ARHGAP26: variants seen among roughly 807,000 people sequenced by gnomAD.
ARHGAP26 encodes the protein Rho GTPase activating protein 26, also known as rho GTPase-activating protein 26.
Under a neutral mutation model 104.8 loss-of-function variants are expected in ARHGAP26, and 38 were observed. The ratio of observed to expected loss-of-function variants is 0.36; its 90% confidence interval spans 0.28 to 0.48. ARHGAP26 has a LOEUF of 0.48. Ranked by LOEUF, ARHGAP26 falls within the 20% of genes least tolerant of loss-of-function variation. The pLI is 0.99. For synonymous variants in ARHGAP26, 341 were observed against 340.0 expected (o/e 1.00, Z -0.03); for missense variants, 704 against 947.9 (o/e 0.74, Z 3.38).
Position 143,228,294 on chromosome 5 carries a change from A to G in ARHGAP26, c.*5848A>G. On this transcript the variant is annotated 3_prime_UTR_variant, in exon 23 of 23. Transcript: ENST00000645722. ...TATTTACATCTATGAAGACATAGAC[A>G]CTTACAGAGACCCACATGAGCTGGC... is the stretch of plus-strand genomic sequence containing the variant. The G allele has an allele frequency of 8.9e-6, 2 of 224,620 alleles. No individual in the cohort carries two copies. Among genetic ancestry groups the G allele is most frequent in the Non-Finnish European group, 1.8e-5 (2 of 112,690 alleles). The allele number at this position is 224,620 out of a possible 1,614,324, so 13.9% of individuals were successfully genotyped here.
chr5:142,947,379 CTCT>C (rs1767311362), intron 11 of ARHGAP26, among the ~76,000 whole-genome samples: 1 of 152,102 alleles, frequency 6.6e-6, no homozygotes, highest in Non-Finnish European at 1.5e-5. Flanking sequence ...TTAACTTAAT[CTCT>C]TCTTATTACT....
intron 20 of ARHGAP26, among the ~76,000 whole-genome samples, chr5:143,149,046 T>G (rs747855097): frequency 6.6e-6 from 1 of 152,174 alleles, no homozygotes; most frequent in Non-Finnish European, 1.5e-5. Flanking sequence ...GTGTGTCTTT[T>G]AAACAGGTCC....
chr5:143,092,963 C>A lies in ARHGAP26; in HGVS notation c.1539-28025C>A, dbSNP rs62374625. Among the ~76,000 whole-genome samples the A allele has an allele frequency of 2.6e-5, 4 of 152,208 alleles. No homozygotes were observed. In the South Asian group the frequency reaches 8.3e-4, roughly 32 times the overall value. On this transcript the variant is annotated intron_variant, in intron 17 of 22. Transcript: ENST00000645722. ...CAATCACCGGGGAGGAACCATCTAT[C>A]GTCCTGTCCTGAAGGGAGTTCCTCC...
intron 1 of ARHGAP26, among the ~76,000 whole-genome samples, chr5:142,827,161 G>A (rs999572831): frequency 6.6e-6 from 1 of 151,780 alleles, no homozygotes; most frequent in Non-Finnish European, 1.5e-5. Flanking sequence ...TGAAAAGCCG[G>A]AAGTTGCTTG....
At chr5:142,958,732 A>T (rs765334612) in intron 11 of ARHGAP26, among the ~76,000 whole-genome samples, 59 of 151,980 alleles carry the variant, frequency 3.9e-4, no homozygotes, top group Non-Finnish European at 7.5e-4. Flanking sequence ...TGACCTTGAG[A>T]TACAGGTATG....
chr5:143,048,360 A>G (rs1277506275), intron 14 of ARHGAP26, among the ~76,000 whole-genome samples: 2 of 151,946 alleles, frequency 1.3e-5, no homozygotes, highest in Admixed American at 6.5e-5. Context: ...TCCTAGGTTC[A>G]AGTGATTTTT....
intron 1 of ARHGAP26, among the ~76,000 whole-genome samples, chr5:142,863,399 G>T (rs1434962830): frequency 6.6e-6 from 1 of 152,164 alleles, no homozygotes; most frequent in Non-Finnish European, 1.5e-5. Flanking sequence ...GAGCCACTGC[G>T]CCCGGCCTCA....
chr5:143,038,684 CTTTTTTTTTTT>C (rs60428049), intron 13 of ARHGAP26, among the ~76,000 whole-genome samples: 8 of 64,434 alleles, frequency 1.2e-4, no homozygotes, highest in East Asian at 6.3e-4. Flanking sequence ...GACATACGGC[CTTTTTTTTTTT>C]TTTTTTTTTT....
chr5:143,207,417 T>C, intron 21 of ARHGAP26, 109 bp downstream of exon 21: 1 of 1,614,122 alleles, frequency 6.2e-7, no homozygotes, highest in Non-Finnish European at 8.5e-7. Flanking sequence ...TTCCCTGCCA[T>C]CCAAACCTGC....
At position 143,226,600 on chromosome 5, in the gene ARHGAP26, G is replaced by C. The variant is rs769027768; in HGVS notation, c.*4154G>C. On this transcript the variant is annotated 3_prime_UTR_variant, in exon 23 of 23. Coordinates refer to ENST00000645722, the MANE Select transcript of ARHGAP26 (RefSeq NM_001135608.3). ...CTCAAGACAGAAGATCTTTTCTCCT[G>C]TTTTTCAAAATAAACATATATAGGG... The C allele has an allele frequency of 1.9e-5, 4 of 207,798 alleles. No individual in the cohort carries two copies. Among genetic ancestry groups the C allele is most frequent in the Non-Finnish European group, 2.9e-5 (3 of 102,114 alleles). The allele number at this position is 207,798 out of a possible 1,614,324, so 12.9% of individuals were successfully genotyped here.
chr5:143,182,286 G>A (rs759898404), intron 20 of ARHGAP26, among the ~76,000 whole-genome samples: 21 of 152,178 alleles, frequency 1.4e-4, no homozygotes, highest in Non-Finnish European at 5.9e-5. Flanking sequence ...GCCTTATCTT[G>A]AACAGTTGCA....
chr5:143,093,069 T>A (rs752218302), intron 17 of ARHGAP26, among the ~76,000 whole-genome samples: 3 of 152,164 alleles, frequency 2.0e-5, no homozygotes, highest in Non-Finnish European at 4.4e-5. Context: ...GAATTTTTAG[T>A]GGTTAATGTT....
intron 20 of ARHGAP26, among the ~76,000 whole-genome samples, chr5:143,206,487 G>A (rs985829180): frequency 1.3e-5 from 2 of 152,138 alleles, no homozygotes; most frequent in Admixed American, 6.5e-5. Flanking sequence ...GTTTCAGTTC[G>A]TTTTTTTCAT....
At chr5:142,986,854 A>G (rs182945289) in intron 11 of ARHGAP26, among the ~76,000 whole-genome samples, 49 of 152,188 alleles carry the variant, frequency 3.2e-4, no homozygotes, top group African/African-American at 9.6e-4. Context: ...GTTCTGTTCA[A>G]TTGGTCTGTA....
At chr5:142,948,401 G>A (rs2152573017) in intron 11 of ARHGAP26, among the ~76,000 whole-genome samples, 2 of 131,516 alleles carry the variant, frequency 1.5e-5, no homozygotes, top group South Asian at 6.5e-4. Context: ...ACGTACTTGT[G>A]TGTATTAAAT....
rs1811773318 is a variant in ARHGAP26 at position 143,227,643 on chromosome 5, G to A, written c.*5197G>A. The A allele has an allele frequency of 2.6e-5, 6 of 229,148 alleles. No homozygotes were observed. In the South Asian group the frequency reaches 5.4e-4, roughly 21 times the overall value. The allele number at this position is 229,148 out of a possible 1,614,324, so 14.2% of individuals were successfully genotyped here. On this transcript the variant is annotated 3_prime_UTR_variant, in exon 23 of 23. Coordinates refer to ENST00000645722, the MANE Select transcript of ARHGAP26 (RefSeq NM_001135608.3). ...CCTACAGTACCTGTCTAACTAAAGA[G>A]CTTCCCAAAGTGGAGGGAAAGGCCA...
intron 20 of ARHGAP26, among the ~76,000 whole-genome samples, chr5:143,178,410 T>C (rs1189941770): frequency 6.6e-6 from 1 of 152,194 alleles, no homozygotes; most frequent in Non-Finnish European, 1.5e-5. Context: ...TTGTGTTCAT[T>C]GTATGAGGGT....
chr5:143,148,000 A>G lies in ARHGAP26; in HGVS notation c.1988+619A>G, dbSNP rs1799363860. Among the ~76,000 whole-genome samples, 7 of 152,238 alleles carry G rather than the reference A, an allele frequency of 4.6e-5. No individual in the cohort carries two copies. The South Asian group carries it at 1.5e-3, about 32-fold the overall frequency. Reference sequence around the variant, plus strand: ...CTAGCCCTCCACAGAAACTAGGTCTACTCTGCTAGGATCAGAAAGTTCTCC... The same window carrying G: ...CTAGCCCTCCACAGAAACTAGGTCTGCTCTGCTAGGATCAGAAAGTTCTCC... On this transcript the variant is annotated intron_variant, in intron 20 of 22. Transcript: ENST00000645722.
rs147597562 is a variant in ARHGAP26 at position 143,055,210 on chromosome 5, A to G, written c.1373+684A>G. On this transcript the variant is annotated intron_variant, in intron 15 of 22. Coordinates refer to ENST00000645722, the MANE Select transcript of ARHGAP26 (RefSeq NM_001135608.3). ...AAAGGTGGGACCTAGTCTTAAAAGG[A>G]GAGGGGAATGGTCATCAGAAATAGC... is the stretch of plus-strand genomic sequence containing the variant. 2.6e-3 allele frequency among the ~76,000 whole-genome samples: 389 copies of G among 152,310 alleles called. 5 individuals are homozygous for G. The highest frequency in any genetic ancestry group is 9.2e-3 in the African/African-American group (384 of 41,562).
Sources: allele counts gnomAD v4.1 joint callset (sites outside exome capture counted in the v4.1 genomes callset), GRCh38; gene constraint gnomAD v4.1.1; transcripts MANE v1.5; gene names NCBI Gene and HGNC (gene_info 2026-07-23, HGNC 2026-07-21).